Variants in FHOD3 observed in about 807,000 individuals in gnomAD.
FHOD3 encodes FH1/FH2 domain-containing protein 3.
A neutral mutation model predicts 173.0 loss-of-function variants in FHOD3; 90 were observed. The observed-to-expected ratio is 0.52, with a 90% CI of 0.44 to 0.62. The LOEUF (loss-of-function observed/expected upper bound fraction) is 0.62. Ranked by LOEUF, FHOD3 falls within the 20% of genes least tolerant of loss-of-function variation. FHOD3 has a pLI of 0.00. For synonymous variants in FHOD3, 828 were observed against 823.0 expected (o/e 1.01, Z -0.10); for missense variants, 1,945 against 2,034.7 (o/e 0.96, Z 0.85).
chr18:36,755,270 C>T lies in FHOD3; in HGVS notation c.4384C>T (p.His1462Tyr). 1 of 1,610,328 alleles carries T rather than the reference C, an allele frequency of 6.2e-7. No homozygotes were observed. Among genetic ancestry groups the T allele is most frequent in the Non-Finnish European group, 8.5e-7 (1 of 1,178,092 alleles). Reference sequence around the variant, plus strand: ...GCAGCAGAAACAGAAACGGGCCAACCACAGAGAGAGAAATAAGACCAGAGG... The same window carrying T: ...GCAGCAGAAACAGAAACGGGCCAACTACAGAGAGAGAAATAAGACCAGAGG... ...VLQQKQKRANHRERNKTRGKM... is the reference protein window; with the variant it reads ...VLQQKQKRANYRERNKTRGKM... The change falls in exon 25 of 29, where the codon CAC becomes TAC. Residue 1462 changes from histidine to tyrosine, a missense_variant. Physicochemically the swap from His to Tyr is moderately conservative, Grantham distance 83 (BLOSUM62 2). Transcript: ENST00000590592.
At chr18:36,488,889 G>A (rs1451540879) in intron 3 of FHOD3, among the ~76,000 whole-genome samples, 1 of 152,184 alleles carries the variant, frequency 6.6e-6, no homozygotes, top group Non-Finnish European at 1.5e-5. Flanking sequence ...GACAGCTGGT[G>A]CCATAGATGA....
At chr18:36,462,072 C>G (rs2052587975) in intron 3 of FHOD3, among the ~76,000 whole-genome samples, 1 of 152,136 alleles carries the variant, frequency 6.6e-6, no homozygotes, top group African/African-American at 2.4e-5. Flanking sequence ...TTATATAAAT[C>G]TGTTATCATT....
rs139311057 is a variant in FHOD3, at chr18:36,663,794, CT to C, written c.1835+5610del. Reference sequence around the variant, plus strand: ...TCCAGTGATGGCCTGCCAGGCTTGCCTTTTGACTACCACCCTGTGTGTAACT... The same window carrying C: ...TCCAGTGATGGCCTGCCAGGCTTGCCTTTGACTACCACCCTGTGTGTAACT... On this transcript the variant is annotated intron_variant, in intron 14 of 28. Transcript: ENST00000590592. Among the ~76,000 whole-genome samples the C allele has an allele frequency of 4.4e-3, 667 of 152,348 alleles. 1 individual carries two copies. Among genetic ancestry groups the C allele is most frequent in the Non-Finnish European group, 7.8e-3 (534 of 68,030 alleles).
In FHOD3 at chr18:36,359,412, G is replaced by T. The variant is rs117467971; in HGVS notation, c.272+3767G>T. On this transcript the variant is annotated intron_variant, in intron 2 of 28. Transcript: ENST00000590592. ...GCAATTATTATGCTAAGAAAATAGA[G>T]CCAGGTCTGTTCATCACCTTCTGAG... Among the ~76,000 whole-genome samples the T allele has an allele frequency of 8.8e-4, 134 of 152,326 alleles. No homozygotes were observed. The East Asian group carries it at 0.024, about 27-fold the overall frequency.
At chr18:36,576,695 A>G in intron 6 of FHOD3, 150 bp downstream of exon 6, 1 of 530,556 alleles carries the variant, frequency 1.9e-6, no homozygotes, top group Non-Finnish European at 3.3e-6. Context: ...ACAAATTTTA[A>G]GATACACTTA....
chr18:36,445,135 T>G (rs2051394278), intron 3 of FHOD3, among the ~76,000 whole-genome samples: 1 of 152,224 alleles, frequency 6.6e-6, no homozygotes, highest in African/African-American at 2.4e-5. Flanking sequence ...GTGGCTCTGT[T>G]GGAAGGTGGG....
At chr18:36,386,763 G>A (rs2048053735) in intron 3 of FHOD3, among the ~76,000 whole-genome samples, 1 of 152,152 alleles carries the variant, frequency 6.6e-6, no homozygotes, top group South Asian at 2.1e-4. Flanking sequence ...AGGGTTTGAG[G>A]TTCAGTCCTT....
At chr18:36,594,714 G>A in intron 6 of FHOD3, 73 bp from the exon 7 acceptor site, 1 of 1,032,206 alleles carries the variant, frequency 9.7e-7, no homozygotes, top group Non-Finnish European at 1.5e-6. Context: ...GGTGCCCGCT[G>A]CGGTTAGGAA....
Position 36,760,835 on chromosome 18 carries a change from G to A in FHOD3, c.4624+53G>A, listed in dbSNP as rs537747805. 48 of 1,521,752 alleles carry A rather than the reference G, an allele frequency of 3.2e-5. No individual in the cohort carries two copies. The African/African-American group carries it at 5.6e-4, about 18-fold the overall frequency. 94.3% of individuals were successfully genotyped at this position (1,521,752 alleles called of 1,614,324 possible). ...TTGTCTTCTCAGGTTGGCCGCTCTG[G>A]GGGGGTCCGGTCTCCATCGCAGGCT... is the stretch of plus-strand genomic sequence containing the variant. On this transcript the variant is annotated intron_variant, in intron 27 of 28. Transcript: ENST00000590592.
chr18:36,310,786 G>C (rs921659692), intron 1 of FHOD3, among the ~76,000 whole-genome samples: 24 of 152,042 alleles, frequency 1.6e-4, no homozygotes, highest in African/African-American at 5.8e-4. Flanking sequence ...AAGGAGGGTG[G>C]GGTTTCAGTT....
At chr18:36,350,289 C>A (rs17841680) in intron 1 of FHOD3, among the ~76,000 whole-genome samples, 1 of 152,088 alleles carries the variant, frequency 6.6e-6, no homozygotes, top group Non-Finnish European at 1.5e-5. Flanking sequence ...ACTGGCTGCC[C>A]GCTGAACACC....
chr18:36,341,611 C>T (rs554541905), intron 1 of FHOD3, among the ~76,000 whole-genome samples: 41 of 152,248 alleles, frequency 2.7e-4, no homozygotes, highest in African/African-American at 8.7e-4. Flanking sequence ...TGGGGTCTTA[C>T]CAAGATAGAC....
chr18:36,593,681 T>A (rs2029865953), intron 6 of FHOD3, among the ~76,000 whole-genome samples: 1 of 152,120 alleles, frequency 6.6e-6, no homozygotes, highest in African/African-American at 2.4e-5. Flanking sequence ...TGATACAGGC[T>A]CAAGGGGTGG....
At chr18:36,420,926 G>T (rs2049951801) in intron 3 of FHOD3, among the ~76,000 whole-genome samples, 1 of 152,170 alleles carries the variant, frequency 6.6e-6, no homozygotes, top group South Asian at 2.1e-4. Flanking sequence ...TGACTCCTCA[G>T]TAGTGCTGGA....
intron 3 of FHOD3, among the ~76,000 whole-genome samples, chr18:36,413,169 T>C (rs2049444642): frequency 6.6e-6 from 1 of 152,172 alleles, no homozygotes; most frequent in African/African-American, 2.4e-5. Flanking sequence ...AAGACCAATG[T>C]TGTTGTCAGG....
intron 1 of FHOD3, among the ~76,000 whole-genome samples, chr18:36,340,403 TG>T (rs2045550725): frequency 1.3e-5 from 2 of 152,150 alleles, no homozygotes. Flanking sequence ...AGGTGGGGAT[TG>T]GAGCATACAT....
chr18:36,657,800 C>G (rs1174387886), intron 13 of FHOD3, among the ~76,000 whole-genome samples: 2 of 152,144 alleles, frequency 1.3e-5, no homozygotes, highest in Non-Finnish European at 2.9e-5. Context: ...TTTTAACGTA[C>G]ATTTTAAAAA....
chr18:36,586,490 T>C (rs948455928), intron 6 of FHOD3, among the ~76,000 whole-genome samples: 3 of 71,016 alleles, frequency 4.2e-5, no homozygotes, highest in African/African-American at 1.4e-4. Flanking sequence ...GCATGTTACT[T>C]TTTTTTTTTT....
At chr18:36,659,662 A>G (rs1320541425) in intron 14 of FHOD3, among the ~76,000 whole-genome samples, 1 of 152,174 alleles carries the variant, frequency 6.6e-6, no homozygotes, top group Non-Finnish European at 1.5e-5. Flanking sequence ...GTAAACACTG[A>G]TGGAAGGATG....
Sources: allele counts gnomAD v4.1 joint callset (sites outside exome capture counted in the v4.1 genomes callset), GRCh38; gene constraint gnomAD v4.1.1; transcripts MANE v1.5; gene names NCBI Gene and HGNC (gene_info 2026-07-23, HGNC 2026-07-21).